Variants in CLTCL1 observed in about 807,000 individuals in gnomAD.
The protein encoded by CLTCL1 is clathrin heavy chain 2.
In CLTCL1, 159 loss-of-function variants were observed where a neutral mutation model predicts 190.0. That is an observed-to-expected ratio of 0.84 (90% CI 0.74 to 0.95). The LOEUF (loss-of-function observed/expected upper bound fraction) is 0.95, where lower values mean the gene tolerates loss of function less well. Among genes scored for constraint, CLTCL1 ranks in the 40% least tolerant of loss-of-function variants. The pLI, the probability that CLTCL1 is intolerant of heterozygous loss-of-function variation, is 0.00. For synonymous variants in CLTCL1, 752 were observed against 769.6 expected (o/e 0.98, Z 0.38); for missense variants, 1,878 against 2,033.4 (o/e 0.92, Z 1.47).
chr22:19,182,864 G>A (rs1218557584), intron 30 of CLTCL1: 1 of 161,992 alleles, frequency 6.2e-6, no homozygotes, highest in Non-Finnish European at 1.3e-5. Flanking sequence ...CCCAGGGAGA[G>A]TTTTACAATC....
At chr22:19,207,368 A>G (rs1219040692) in intron 22 of CLTCL1, 4 of 387,800 alleles carry the variant, frequency 1.0e-5, no homozygotes, top group Non-Finnish European at 1.8e-5. Flanking sequence ...CTCTGACTCA[A>G]TTAATTTTGT....
intron 29 of CLTCL1, among the ~76,000 whole-genome samples, chr22:19,186,305 A>G (rs782097692): frequency 5.9e-5 from 9 of 151,954 alleles, no homozygotes; most frequent in South Asian, 2.1e-4. Context: ...CAGCACCCAC[A>G]AGGGCCCTCT....
chr22:19,183,415 T>C lies in CLTCL1; in HGVS notation c.4802A>G (p.Gln1601Arg), dbSNP rs545321400. 110 of 1,613,438 alleles carry C rather than the reference T, an allele frequency of 6.8e-5. 3 individuals are homozygous for C. The South Asian group carries it at 1.2e-3, about 17-fold the overall frequency. ...CTTGCTCAGGTACTCCCTCATCACC[T>C]GGATGAAGTAGGGCATGGCCAAGTC... is the stretch of plus-strand genomic sequence containing the variant. Reference protein sequence around the residue: ...LVDLAMPYFIQVMREYLSKVD... With the variant: ...LVDLAMPYFIRVMREYLSKVD... Residue 1601 changes from glutamine to arginine, a missense_variant, in exon 30 of 33, where the codon CAG becomes CGG. Transcript: ENST00000427926.
At chr22:19,283,945 T>C (rs1304365689) in intron 1 of CLTCL1, among the ~76,000 whole-genome samples, 12 of 150,812 alleles carry the variant, frequency 8.0e-5, no homozygotes, top group African/African-American at 2.9e-4. Flanking sequence ...TGAGCCAAGA[T>C]TGTGCCACTG....
rs1307977652 is a variant in CLTCL1 at position 19,216,267 on chromosome 22, A to G, written c.2920-11T>C. The G allele has an allele frequency of 6.2e-7, 1 of 1,612,722 alleles. No homozygotes were observed. On this transcript the variant is annotated splice_polypyrimidine_tract_variant and intron_variant, in intron 18 of 32. Coordinates refer to ENST00000427926, the MANE Select transcript of CLTCL1 (RefSeq NM_007098.4). ...TGCTGTCTGTACCACCTGGTTTTAA[A>G]AAGCATTTGAAAGAACTTGATTAAA...
chr22:19,257,730 G>A, intron 2 of CLTCL1: 1 of 1,224,054 alleles, frequency 8.2e-7, no homozygotes, highest in Non-Finnish European at 1.1e-6. Flanking sequence ...GATGGCCAGG[G>A]GTCTGGCAGG....
At chr22:19,283,975 G>C (rs2087814002) in intron 1 of CLTCL1, among the ~76,000 whole-genome samples, 1 of 143,672 alleles carries the variant, frequency 7.0e-6, no homozygotes, top group East Asian at 2.1e-4. Context: ...CTGGGTGACA[G>C]AGACAGACCC....
intron 2 of CLTCL1, among the ~76,000 whole-genome samples, chr22:19,256,077 T>A (rs1475982807): frequency 6.6e-6 from 1 of 152,104 alleles, no homozygotes; most frequent in East Asian, 1.9e-4. Context: ...CACTTAAAAT[T>A]GCCAAGATGT....
At chr22:19,211,094 T>C (rs1290416502) in intron 19 of CLTCL1, among the ~76,000 whole-genome samples, 1 of 151,018 alleles carries the variant, frequency 6.6e-6, no homozygotes, top group Non-Finnish European at 1.5e-5. Context: ...TGCAAAACTT[T>C]ATACAATTCA....
intron 27 of CLTCL1, 21 bp downstream of exon 27, chr22:19,191,283 C>G: frequency 1.2e-6 from 2 of 1,613,862 alleles, no homozygotes; most frequent in Non-Finnish European, 1.7e-6. Flanking sequence ...ACTCTTCTAC[C>G]TGGGGTTTTG....
intron 2 of CLTCL1, among the ~76,000 whole-genome samples, chr22:19,261,149 G>A (rs1555975414): frequency 2.7e-5 from 4 of 148,570 alleles, no homozygotes. Context: ...TCTTTGCTCT[G>A]TTGCCCAGGC....
At chr22:19,250,133 A>G (rs1378749569) in intron 3 of CLTCL1, among the ~76,000 whole-genome samples, 1 of 152,064 alleles carries the variant, frequency 6.6e-6, no homozygotes, top group Non-Finnish European at 1.5e-5. Flanking sequence ...ACACACCTGT[A>G]GTCCCAGCTA....
At chr22:19,183,703 ACT>A (rs2084218275) in intron 29 of CLTCL1, 92 bp from the exon 30 acceptor site, 1 of 1,273,002 alleles carries the variant, frequency 7.9e-7, no homozygotes, top group African/African-American at 1.5e-5. Context: ...GTGGCACTAG[ACT>A]CCACCAAGGA....
intron 26 of CLTCL1, among the ~76,000 whole-genome samples, chr22:19,194,873 C>T (rs1355265521): frequency 6.6e-6 from 1 of 152,196 alleles, no homozygotes; most frequent in African/African-American, 2.4e-5. Flanking sequence ...TGGCGAGTAT[C>T]CTCCTACCCC....
chr22:19,187,231 A>T (rs1364299674), intron 29 of CLTCL1, among the ~76,000 whole-genome samples: 1 of 152,210 alleles, frequency 6.6e-6, no homozygotes, highest in African/African-American at 2.4e-5. Context: ...TAGGAAGTAA[A>T]GTAGGTGCCA....
At position 19,201,215 on chromosome 22, in the gene CLTCL1, G is replaced by C. The variant is rs2084869553; in HGVS notation, c.3765+114C>G. 3.1e-6 allele frequency: 4 copies of C among 1,279,966 alleles called. No homozygotes were observed. In the East Asian group the frequency reaches 1.0e-4, roughly 33 times the overall value. 79.3% of individuals were successfully genotyped at this position (1,279,966 alleles called of 1,614,324 possible). On this transcript the variant is annotated intron_variant, in intron 23 of 32. Coordinates refer to ENST00000427926, the MANE Select transcript of CLTCL1 (RefSeq NM_007098.4). ...AGACTCTAAGAATCCCAAGGGTTCA[G>C]ACCCCTGCCTGGGCAAGAGACCGGC...
At chr22:19,207,807 C>T (rs141192689) in intron 22 of CLTCL1, 12,670 of 599,210 alleles carry the variant, frequency 0.021, 234 homozygotes, top group Non-Finnish European at 0.022. Context: ...GTGTTGCATG[C>T]TTCTTATGAA....
chr22:19,290,848 A>G (rs1272830283), intron 1 of CLTCL1, among the ~76,000 whole-genome samples: 1 of 152,192 alleles, frequency 6.6e-6, no homozygotes, highest in African/African-American at 2.4e-5. Flanking sequence ...GCGAATCGCA[A>G]CGAATGGTAG....
chr22:19,241,577 G>A (rs1305728113), intron 4 of CLTCL1, among the ~76,000 whole-genome samples: 2 of 152,188 alleles, frequency 1.3e-5, no homozygotes, highest in Non-Finnish European at 2.9e-5. Context: ...CTCTGCCTTG[G>A]GGAATATTTC....
Sources: allele counts gnomAD v4.1 joint callset (sites outside exome capture counted in the v4.1 genomes callset), GRCh38; gene constraint gnomAD v4.1.1; transcripts MANE v1.5; gene names NCBI Gene and HGNC (gene_info 2026-07-23, HGNC 2026-07-21).